DRC11: variants seen among roughly 807,000 people sequenced by gnomAD.
DRC11 encodes IQ and AAA domain-containing protein 1.
the DRC11 span, among the ~76,000 whole-genome samples, chr2:236,434,047 G>T: frequency 3.9e-5 from 6 of 152,142 alleles, no homozygotes; most frequent in Admixed American, 3.3e-4. The surrounding 1 kb of genome is among the most constrained non-coding windows in gnomAD (Gnocchi z 5.5). Flanking sequence ...TTTTTAATAC[G>T]ATGCGGTGCA....
chr2:236,317,375 G>A, the DRC11 span, among the ~76,000 whole-genome samples: 1 of 152,068 alleles, frequency 6.6e-6, no homozygotes, highest in African/African-American at 2.4e-5. The surrounding 1 kb of genome is among the most constrained non-coding windows in gnomAD (Gnocchi z 5.4). Context: ...GAGATACTAC[G>A]CAGTGATGGA....
the DRC11 span, among the ~76,000 whole-genome samples, chr2:236,500,870 G>A: frequency 1.3e-5 from 2 of 152,068 alleles, no homozygotes; most frequent in African/African-American, 4.8e-5. The surrounding 1 kb of genome is among the most constrained non-coding windows in gnomAD (Gnocchi z 6.3). Flanking sequence ...AGCTAATTTT[G>A]TATTTTTAGT....
At chr2:236,491,122 T>C in the DRC11 span, among the ~76,000 whole-genome samples, 1 of 103,286 alleles carries the variant, frequency 9.7e-6, no homozygotes, top group East Asian at 2.5e-4. Context: ...ATATACAGTG[T>C]GTATATATAT....
At chr2:236,425,490 T>C in the DRC11 span, among the ~76,000 whole-genome samples, 1 of 152,052 alleles carries the variant, frequency 6.6e-6, no homozygotes, top group South Asian at 2.1e-4. Context: ...TTAAATTAGG[T>C]TGTTTTCTTG....
chr2:236,438,427 C>T, the DRC11 span, among the ~76,000 whole-genome samples: 6 of 149,210 alleles, frequency 4.0e-5, no homozygotes, highest in Admixed American at 1.3e-4. Flanking sequence ...GCGATGTGGG[C>T]TCTTTTTTGG....
chr2:236,419,682 T>C, the DRC11 span, among the ~76,000 whole-genome samples: 15 of 152,314 alleles, frequency 9.8e-5, no homozygotes, highest in Middle Eastern at 6.8e-3. This position sits in a 1 kb window ranked among gnomAD's most constrained non-coding sequence, Gnocchi z 4.8. Flanking sequence ...TAGGCTCCAA[T>C]GGCAACAGCC....
chr2:236,406,250 C>A, the DRC11 span, among the ~76,000 whole-genome samples: 2 of 152,316 alleles, frequency 1.3e-5, no homozygotes, highest in Admixed American at 6.5e-5. The surrounding 1 kb of genome is among the most constrained non-coding windows in gnomAD (Gnocchi z 4.7). Context: ...ATAAACCGTG[C>A]GCCTTCTTCT....
the DRC11 span, among the ~76,000 whole-genome samples, chr2:236,390,908 C>G: frequency 6.6e-6 from 1 of 152,212 alleles, no homozygotes; most frequent in African/African-American, 2.4e-5. The surrounding 1 kb of genome is among the most constrained non-coding windows in gnomAD (Gnocchi z 5.9). Flanking sequence ...TTCTCTGTCC[C>G]TTTCTTCCAA....
At chr2:236,431,905 GTTT>G in the DRC11 span, among the ~76,000 whole-genome samples, 4 of 152,174 alleles carry the variant, frequency 2.6e-5, no homozygotes, top group African/African-American at 9.7e-5. The surrounding 1 kb of genome is among the most constrained non-coding windows in gnomAD (Gnocchi z 4.2). Context: ...ATGTACAAAT[GTTT>G]TTGTGTGGAT....
At chr2:236,391,667 G>C in the DRC11 span, among the ~76,000 whole-genome samples, 1 of 152,190 alleles carries the variant, frequency 6.6e-6, no homozygotes, top group Non-Finnish European at 1.5e-5. This position sits in a 1 kb window ranked among gnomAD's most constrained non-coding sequence, Gnocchi z 4.5. Context: ...GTTGGGGGCT[G>C]TTTGGGGAAT....
chr2:236,507,376 G>C, the DRC11 span: 2 of 1,126,798 alleles, frequency 1.8e-6, no homozygotes. Context: ...CAGAGGATTT[G>C]GGTGGGGGGT....
chr2:236,394,295 C>A, the DRC11 span, among the ~76,000 whole-genome samples: 1 of 152,146 alleles, frequency 6.6e-6, no homozygotes, highest in Non-Finnish European at 1.5e-5. The surrounding 1 kb of genome is among the most constrained non-coding windows in gnomAD (Gnocchi z 7.0). Context: ...GGACAGGACA[C>A]CTGCAGGAAG....
chr2:236,400,891 C>T, the DRC11 span, among the ~76,000 whole-genome samples: 2 of 152,206 alleles, frequency 1.3e-5, no homozygotes, highest in Non-Finnish European at 2.9e-5. This position sits in a 1 kb window ranked among gnomAD's most constrained non-coding sequence, Gnocchi z 7.9. Flanking sequence ...CCCCACTGTT[C>T]TGCCGTGGAG....
the DRC11 span, chr2:236,380,613 CTTTT>C: frequency 7.7e-6 from 12 of 1,551,292 alleles, no homozygotes; most frequent in Non-Finnish European, 7.8e-6. This position sits in a 1 kb window ranked among gnomAD's most constrained non-coding sequence, Gnocchi z 4.9. Context: ...TCTTCTCTTT[CTTTT>C]TGCCTTTCTT....
chr2:236,375,889 C>A, the DRC11 span, among the ~76,000 whole-genome samples: 1 of 152,214 alleles, frequency 6.6e-6, no homozygotes, highest in African/African-American at 2.4e-5. The surrounding 1 kb of genome is among the most constrained non-coding windows in gnomAD (Gnocchi z 4.2). Flanking sequence ...ACTGCTACAG[C>A]AATAACTGAT....
the DRC11 span, among the ~76,000 whole-genome samples, chr2:236,412,088 G>T: frequency 1.3e-5 from 2 of 152,038 alleles, no homozygotes; most frequent in Non-Finnish European, 2.9e-5. Flanking sequence ...AGGGATGGGG[G>T]TCTCCCTATG....
At chr2:236,387,346 C>G in the DRC11 span, among the ~76,000 whole-genome samples, 2 of 152,004 alleles carry the variant, frequency 1.3e-5, no homozygotes, top group African/African-American at 4.8e-5. Context: ...TCTGGGTGCT[C>G]CTGTATTGGT....
At chr2:236,346,004 C>A in the DRC11 span, among the ~76,000 whole-genome samples, 3 of 152,208 alleles carry the variant, frequency 2.0e-5, no homozygotes, top group Non-Finnish European at 4.4e-5. Context: ...GAAGTGGGCA[C>A]TGATTGAACT....
At chr2:236,359,451 C>T in the DRC11 span, among the ~76,000 whole-genome samples, 1 of 152,182 alleles carries the variant, frequency 6.6e-6, no homozygotes, top group Non-Finnish European at 1.5e-5. This position sits in a 1 kb window ranked among gnomAD's most constrained non-coding sequence, Gnocchi z 4.3. Context: ...CGAATGCCAC[C>T]TGCCTGAAGT....
Sources: gnomAD v4.1 joint callset for allele counts (sites outside exome capture counted in the v4.1 genomes callset) on GRCh38, gnomAD v4.1.1 for gene constraint, Gnocchi (gnomAD v3.1) non-coding constraint, MANE v1.5 for transcripts, NCBI Gene and HGNC (gene_info 2026-07-23, HGNC 2026-07-21) for gene names.